SEMA3A: variants seen among roughly 807,000 people sequenced by gnomAD.
SEMA3A encodes the protein semaphorin-3A.
Under a neutral mutation model 97.9 loss-of-function variants are expected in SEMA3A, and 29 were observed. That is an observed-to-expected ratio of 0.30 (90% CI 0.22 to 0.40). The LOEUF is 0.40. Ranked by LOEUF, SEMA3A falls within the 10% of genes least tolerant of loss-of-function variation. The probability of loss-of-function intolerance (pLI) is 1.00; values close to 1 mark genes in which losing one functional copy is unlikely to be tolerated. For synonymous variants in SEMA3A, 321 were observed against 323.7 expected, an observed-to-expected ratio of 0.99 and a Z score of 0.09; for missense variants, 763 against 951.3, an observed-to-expected ratio of 0.80 and a Z score of 2.60.
At chr7:84,136,960 AGAAGGAAGGAAGGAAGGAAG>A (rs201748268) in intron 1 of SEMA3A, among the ~76,000 whole-genome samples, 4 of 141,106 alleles carry the variant, frequency 2.8e-5, no homozygotes, top group African/African-American at 8.2e-5. Flanking sequence ...GAGGGAGGGA[AGAAGGAAGGAAGGAAGGAAG>A]GAAGGAAGGA....
chr7:84,470,996 G>C (rs1481826281), intron 1 of SEMA3A, among the ~76,000 whole-genome samples: 2 of 151,924 alleles, frequency 1.3e-5, no homozygotes, highest in Non-Finnish European at 2.9e-5. Flanking sequence ...AAGAGAGATG[G>C]GCCTATTTTA....
intron 8 of SEMA3A, 22 bp downstream of exon 8, chr7:84,011,161 T>A: frequency 1.9e-6 from 3 of 1,604,638 alleles, no homozygotes; most frequent in South Asian, 2.2e-5. Flanking sequence ...ATATTCTCTA[T>A]ACATAAACAC....
chr7:84,181,339 T>TAA (rs68016473), intron 1 of SEMA3A, among the ~76,000 whole-genome samples: 7,897 of 147,822 alleles, frequency 0.053, 292 homozygotes, highest in South Asian at 0.061. Context: ...TATATATATA[T>TAA]AACACACATA....
At chr7:84,315,245 C>T (rs1332080159) in intron 2 of SEMA3A, among the ~76,000 whole-genome samples, 3 of 152,008 alleles carry the variant, frequency 2.0e-5, no homozygotes, top group African/African-American at 7.2e-5. Flanking sequence ...CTGGAGAGGA[C>T]ATGAAATATT....
chr7:84,430,292 C>A (rs1358632194), intron 1 of SEMA3A, among the ~76,000 whole-genome samples: 1 of 151,826 alleles, frequency 6.6e-6, no homozygotes, highest in Non-Finnish European at 1.5e-5. Context: ...TAATTTACGG[C>A]AAGCAAAAGT....
chr7:84,197,683 CTGCATGTGTACAA>C (rs1798263578), upstream of SEMA3A, among the ~76,000 whole-genome samples: 1 of 147,364 alleles, frequency 6.8e-6, no homozygotes, highest in African/African-American at 2.5e-5. Context: ...CGGAATCTGG[CTGCATGTGTACAA>C]TGCAGATTTT....
Position 84,076,264 on chromosome 7 carries a change from G to T in SEMA3A, c.454-15706C>A, listed in dbSNP as rs532291757. On this transcript the variant is annotated intron_variant, in intron 4 of 16. Coordinates refer to ENST00000265362, the MANE Select transcript of SEMA3A (RefSeq NM_006080.3). ...CCAAGAACAATCTTTTAAGTGCTTT[G>T]TAGGTATTTACTTTTTTATCCTCAT... is the stretch of plus-strand genomic sequence containing the variant. Among the ~76,000 whole-genome samples, 367 of 152,232 alleles carry T rather than the reference G, an allele frequency of 2.4e-3. 2 individuals are homozygous for T. Among genetic ancestry groups the T allele is most frequent in the African/African-American group, 8.4e-3 (347 of 41,544 alleles).
intron 1 of SEMA3A, among the ~76,000 whole-genome samples, chr7:84,484,264 C>A (rs915598633): frequency 6.6e-6 from 1 of 151,872 alleles, no homozygotes; most frequent in Admixed American, 6.6e-5. Flanking sequence ...ATGTAGTGTT[C>A]TTATAGTAGC....
At chr7:84,447,065 G>C (rs1297908043) in intron 1 of SEMA3A, among the ~76,000 whole-genome samples, 1 of 152,152 alleles carries the variant, frequency 6.6e-6, no homozygotes, top group African/African-American at 2.4e-5. Flanking sequence ...CCCCGTGCCT[G>C]CTCTGATTTC....
At chr7:84,477,090 A>T (rs982882443) in intron 1 of SEMA3A, among the ~76,000 whole-genome samples, 7 of 147,936 alleles carry the variant, frequency 4.7e-5, no homozygotes, top group African/African-American at 1.2e-4. Flanking sequence ...ATATATATAT[A>T]TATTTTTCAA....
intron 1 of SEMA3A, among the ~76,000 whole-genome samples, chr7:84,399,249 C>G (rs1318754289): frequency 2.0e-5 from 3 of 152,146 alleles, no homozygotes; most frequent in African/African-American, 7.2e-5. Context: ...AGCCCTGGAC[C>G]TGAGGGGAAT....
chr7:84,324,205 A>G (rs1801721961), intron 2 of SEMA3A, among the ~76,000 whole-genome samples: 1 of 152,222 alleles, frequency 6.6e-6, no homozygotes, highest in East Asian at 1.9e-4. Flanking sequence ...TTGTTGAGCT[A>G]CAGCAGCCTG....
upstream of SEMA3A, among the ~76,000 whole-genome samples, chr7:84,196,353 TTCTCTCTCTCTC>T (rs60887913): frequency 6.7e-6 from 1 of 149,148 alleles, no homozygotes; most frequent in Non-Finnish European, 1.5e-5. Context: ...TCGCTCTGCT[TTCTCTCTCTCTC>T]TCTCTCTCTC....
At chr7:84,210,360 T>C (rs1266404919) in intron 3 of SEMA3A, among the ~76,000 whole-genome samples, 1 of 151,978 alleles carries the variant, frequency 6.6e-6, no homozygotes, top group Non-Finnish European at 1.5e-5. Flanking sequence ...GGGTCTTAAA[T>C]GATGAGTAAG....
chr7:84,203,062 C>G (rs1045573207), intron 3 of SEMA3A, among the ~76,000 whole-genome samples: 1 of 152,100 alleles, frequency 6.6e-6, no homozygotes, highest in African/African-American at 2.4e-5. Flanking sequence ...TGATTAAGGG[C>G]TATTGTATTC....
At chr7:84,291,019 T>A (rs57689275) in intron 3 of SEMA3A, among the ~76,000 whole-genome samples, 3,898 of 152,178 alleles carry the variant, frequency 0.026, 173 homozygotes, top group African/African-American at 0.089. Flanking sequence ...GATGTTCCAT[T>A]AAAAACTGGA....
intron 1 of SEMA3A, among the ~76,000 whole-genome samples, chr7:84,408,069 T>C (rs913399542): frequency 2.0e-5 from 3 of 152,194 alleles, no homozygotes; most frequent in South Asian, 2.1e-4. Context: ...AAAGAGCTTC[T>C]GCACAGCAAA....
At chr7:84,063,251 C>T (rs897744248) in intron 4 of SEMA3A, among the ~76,000 whole-genome samples, 5 of 150,630 alleles carry the variant, frequency 3.3e-5, no homozygotes, top group East Asian at 4.1e-4. Context: ...AGGACATCCA[C>T]ACCAAAAACC....
Position 84,020,035 on chromosome 7 carries a change from C to CTTTTTTTTTTT in SEMA3A, c.668-5695_668-5685dup, listed in dbSNP as rs781108685. On this transcript the variant is annotated intron_variant, in intron 6 of 16. Transcript: ENST00000265362. ...AATATTGTTAATGATTTTTTTCTTT[C>CTTTTTTTTTTT]TTTTTTTTTTTTTTTTTTTTTTTTT... Among the ~76,000 whole-genome samples the CTTTTTTTTTTT allele has an allele frequency of 6.4e-4, 37 of 58,264 alleles. 7 individuals carry two copies. The highest frequency in any genetic ancestry group is 1.4e-3 in the South Asian group (2 of 1,396). 38.2% of individuals were successfully genotyped at this position (58,264 alleles called of 152,430 possible).
Sources: gnomAD v4.1 joint callset for allele counts (sites outside exome capture counted in the v4.1 genomes callset) on GRCh38, gnomAD v4.1.1 for gene constraint, MANE v1.5 for transcripts, NCBI Gene and HGNC (gene_info 2026-07-23, HGNC 2026-07-21) for gene names.